Variants in CASKIN1 observed in about 807,000 individuals in gnomAD.
CASKIN1 encodes caskin-1.
CASKIN1 carries 42 observed loss-of-function variants against 117.5 expected under a neutral mutation model. That is an observed-to-expected ratio of 0.36 (90% CI 0.28 to 0.46). The LOEUF is 0.46. Ranked by LOEUF, CASKIN1 falls within the 20% of genes least tolerant of loss-of-function variation. The probability of loss-of-function intolerance (pLI) is 1.00; values close to 1 mark genes in which losing one functional copy is unlikely to be tolerated. For missense variants in CASKIN1, 2,083 were observed against 2,077.3 expected, an observed-to-expected ratio of 1.00 and a Z score of -0.05; for synonymous variants, 1,148 against 961.7, an observed-to-expected ratio of 1.19 and a Z score of -3.59.
In CASKIN1 at chr16:2,179,471, G is replaced by A. The variant is rs2093158788; in HGVS notation, c.3775+122C>T. 8 of 1,394,356 alleles carry A rather than the reference G, an allele frequency of 5.7e-6. No homozygotes were observed. The highest frequency in any genetic ancestry group is 7.4e-6 in the Non-Finnish European group (8 of 1,076,810). 86.4% of individuals were successfully genotyped at this position (1,394,356 alleles called of 1,614,324 possible). A position where few individuals can be genotyped will look rare whatever the true frequency, so the allele number is the denominator to read the frequency against. On this transcript the variant is annotated intron_variant, in intron 18 of 19. Transcript: ENST00000343516. This position sits in a 1 kb window ranked among gnomAD's most constrained non-coding sequence, Gnocchi z 5.8. ...GCCCTGGATGGATGAGAGGGTCTGG[G>A]GACACGTTCCCACCCCACCTGGGCT...
intron 6 of CASKIN1, among the ~76,000 whole-genome samples, chr16:2,187,749 G>A (rs886156758): frequency 6.6e-6 from 1 of 152,192 alleles, no homozygotes; most frequent in Admixed American, 6.5e-5. Context: ...AGCCTCCGGA[G>A]TAGCTGGGAT....
Position 2,179,289 on chromosome 16 carries a change from G to A in CASKIN1, c.3812C>T (p.Ser1271Phe), listed in dbSNP as rs1454674318. 5 of 1,225,078 alleles carry A rather than the reference G, an allele frequency of 4.1e-6. No individual in the cohort carries two copies. Among genetic ancestry groups the A allele is most frequent in the Non-Finnish European group, 4.1e-6 (4 of 984,272 alleles). The allele number at this position is 1,225,078 out of a possible 1,614,324, so 75.9% of individuals were successfully genotyped here. The stretch of plus-strand genomic sequence containing the variant: ...TGTGGGCGGCGGCGGCGGCTTGGGA[G>A]ACACGGGCGGTGGCGTGCCGTGGGC... ...KRAHGTPPPVSPKPPPPPTAP... is the reference protein window; with the variant it reads ...KRAHGTPPPVFPKPPPPPTAP... Residue 1271 changes from serine to phenylalanine, a missense_variant, in exon 19 of 20, where the codon TCT (serine) becomes TTT (phenylalanine). Transcript: ENST00000343516. This position sits in a 1 kb window ranked among gnomAD's most constrained non-coding sequence, Gnocchi z 5.8.
At chr16:2,195,399 C>T (rs951014223) in intron 1 of CASKIN1, among the ~76,000 whole-genome samples, 2 of 152,208 alleles carry the variant, frequency 1.3e-5, no homozygotes, top group African/African-American at 2.4e-5. Context: ...CCAGACCCCA[C>T]GTGCCGACCT....
At position 2,180,512 on chromosome 16, in the gene CASKIN1, G is replaced by A. The variant is rs1326630968; in HGVS notation, c.2856C>T (p.Arg952=). The A allele has an allele frequency of 6.4e-7, 1 of 1,551,430 alleles. No individual in the cohort carries two copies. Among genetic ancestry groups the A allele is most frequent in the Non-Finnish European group, 8.7e-7 (1 of 1,154,718 alleles). The change falls in exon 18 of 20, where the codon CGC becomes CGT. Residue 952 remains arginine (R), a synonymous_variant. Coordinates refer to ENST00000343516, the MANE Select transcript of CASKIN1 (RefSeq NM_020764.4). ...TGGCACTAGCCAGGGCCGAGCTGGA[G>A]CGCTTGGGTGGGGGCGGCGGGGGCC... ...KKGPPPPPPK[R]SSSALASANL...
At position 2,186,972 on chromosome 16, in the gene CASKIN1, G is replaced by A; in HGVS notation, c.930+6C>T. ...CTGCTGAGATGGCCCCTGGGGCCAT[G>A]CTTACTGTGATGATGTCCCCTGCCT... is the stretch of plus-strand genomic sequence containing the variant. On this transcript the variant is annotated splice_donor_region_variant and intron_variant, in intron 9 of 19. Transcript: ENST00000343516. The A allele has an allele frequency of 6.2e-7, 1 of 1,613,136 alleles. No homozygotes were observed. Among genetic ancestry groups the A allele is most frequent in the Admixed American group, 1.7e-5 (1 of 60,008 alleles).
chr16:2,180,937 G>A lies in CASKIN1; in HGVS notation c.2431C>T (p.Leu811=). The A allele has an allele frequency of 1.4e-6, 2 of 1,462,514 alleles. No homozygotes were observed. Among genetic ancestry groups the A allele is most frequent in the South Asian group, 3.0e-5 (2 of 67,764 alleles). 90.6% of individuals were successfully genotyped at this position (1,462,514 alleles called of 1,614,324 possible). ...TAKVKPTPQL[L]PPTERPMSPR... ...GACATGGGGCGCTCTGTCGGCGGCAGCAGCTGCGGGGTGGGCTTCACCTTG... is the reference window on the plus strand; with the variant it reads ...GACATGGGGCGCTCTGTCGGCGGCAACAGCTGCGGGGTGGGCTTCACCTTG... Residue 811 remains leucine, a synonymous_variant, in exon 18 of 20, where the codon CTG becomes TTG. Transcript: ENST00000343516.
In CASKIN1 at chr16:2,179,615, C is replaced by T. The variant is rs2093159583; in HGVS notation, c.3753G>A (p.Pro1251=). 2 of 1,457,642 alleles carry T rather than the reference C, an allele frequency of 1.4e-6. No homozygotes were observed. The highest frequency in any genetic ancestry group is 1.5e-5 in the South Asian group (1 of 68,876). 90.3% of individuals were successfully genotyped at this position (1,457,642 alleles called of 1,614,324 possible). A position where few individuals can be genotyped will look rare whatever the true frequency, so the allele number is the denominator to read the frequency against. ...TACCTGGGCTGCCAGGGCCTGGCAG[C>T]GGCACCTTCTTGGAGGTGGGTGTGG... ...GSPTPTSKKV[P]LPGPGSPEVK... is the part of the protein sequence containing the mutation. The change falls in exon 18 of 20, where the codon CCG becomes CCA. Residue 1251 remains proline (P), a synonymous_variant. Transcript: ENST00000343516. The surrounding 1 kb of genome is among the most constrained non-coding windows in gnomAD (Gnocchi z 5.8).
rs923050277 is a variant in CASKIN1, at chr16:2,177,401, G to C, written c.*1149C>G. On this transcript the variant is annotated 3_prime_UTR_variant, in exon 20 of 20. Transcript: ENST00000343516. ...CCTCCACCCGCCCCACACCACAATC[G>C]CTGGTTTTCGGCATTTTTTAAATTT... 2 of 232,530 alleles carry C rather than the reference G, an allele frequency of 8.6e-6. No homozygotes were observed. The highest frequency in any genetic ancestry group is 2.2e-5 in the African/African-American group (1 of 45,212). 14.4% of individuals were successfully genotyped at this position (232,530 alleles called of 1,614,324 possible).
chr16:2,188,900 G>A (rs1382016664), intron 6 of CASKIN1, 127 bp downstream of exon 6: 3 of 1,370,608 alleles, frequency 2.2e-6, no homozygotes, highest in East Asian at 2.3e-5. Context: ...CCAGAGGCCT[G>A]ACCAGGGACC....
At chr16:2,193,237 G>A (rs1198580270) in intron 1 of CASKIN1, among the ~76,000 whole-genome samples, 3 of 152,222 alleles carry the variant, frequency 2.0e-5, no homozygotes, top group African/African-American at 4.8e-5. Context: ...GGCTGGTCTC[G>A]AACTCCCGAC....
rs1373955641 is a variant in CASKIN1, at chr16:2,180,654, C to G, written c.2714G>C (p.Gly905Ala). The change falls in exon 18 of 20, where the codon GGC becomes GCC. Residue 905 changes from glycine to alanine, a missense_variant. Transcript: ENST00000343516. ...GCGCCGCTGGACCGTGGCATAGGGG[C>G]CGGCAGCCGCAGGCACCAGCAGCTC... The part of the protein sequence containing the change: ...RDELLVPAAA[G>A]PYATVQRRVG... The G allele has an allele frequency of 2.0e-6, 3 of 1,530,046 alleles. No individual in the cohort carries two copies. In the East Asian group the frequency reaches 7.4e-5, roughly 38 times the overall value. 94.8% of individuals were successfully genotyped at this position (1,530,046 alleles called of 1,614,324 possible). A position where few individuals can be genotyped will look rare whatever the true frequency, so the allele number is the denominator to read the frequency against.
Position 2,182,449 on chromosome 16 carries a change from G to A in CASKIN1, c.1630-520C>T, listed in dbSNP as rs943235840. ...GCCAACACCCACAGCAATCTGCACC[G>A]AGAAACACCCGATCACTCCCCGAGC... On this transcript the variant is annotated intron_variant, in intron 16 of 19. Coordinates refer to ENST00000343516, the MANE Select transcript of CASKIN1 (RefSeq NM_020764.4). This position sits in a 1 kb window ranked among gnomAD's most constrained non-coding sequence, Gnocchi z 4.1. Among the ~76,000 whole-genome samples the A allele has an allele frequency of 6.6e-6, 1 of 151,950 alleles. No individual in the cohort carries two copies. The highest frequency in any genetic ancestry group is 6.6e-5 in the Admixed American group (1 of 15,252).
At chr16:2,193,252 G>C (rs970441363) in intron 1 of CASKIN1, among the ~76,000 whole-genome samples, 1 of 152,200 alleles carries the variant, frequency 6.6e-6, no homozygotes, top group Non-Finnish European at 1.5e-5. Context: ...CCCGACCTCA[G>C]GTGATCCGCC....
At chr16:2,193,704 G>A (rs2093207334) in intron 1 of CASKIN1, among the ~76,000 whole-genome samples, 1 of 152,238 alleles carries the variant, frequency 6.6e-6, no homozygotes, top group South Asian at 2.1e-4. Flanking sequence ...TCTCCCTCAG[G>A]AAGGGGACCA....
chr16:2,183,986 C>T (rs370968891), intron 14 of CASKIN1, 45 bp from the exon 15 acceptor site: 79 of 1,341,842 alleles, frequency 5.9e-5, no homozygotes, highest in African/African-American at 5.4e-4. Context: ...TGCCCGGCCG[C>T]GCCCTGCCAC....
At chr16:2,187,109 G>A (rs1373779999) in intron 8 of CASKIN1, 37 bp from the exon 9 acceptor site, 8 of 1,612,764 alleles carry the variant, frequency 5.0e-6, no homozygotes, top group Non-Finnish European at 6.8e-6. Context: ...AGTCCTGCGG[G>A]CTGATCTGGC....
rs967972961 is a variant in CASKIN1, at chr16:2,178,379, C to G, written c.*171G>C. ...GGTCTGCCTAGAGCCCTTGGAGCCC[C>G]CGGCCAGGCGGTCCCCGGTGGGCGC... On this transcript the variant is annotated 3_prime_UTR_variant, in exon 20 of 20. Coordinates refer to ENST00000343516, the MANE Select transcript of CASKIN1 (RefSeq NM_020764.4). The G allele has an allele frequency of 4.5e-5, 21 of 470,210 alleles. No individual in the cohort carries two copies. Among genetic ancestry groups the G allele is most frequent in the Non-Finnish European group, 6.7e-5 (18 of 268,534 alleles). 29.1% of individuals were successfully genotyped at this position (470,210 alleles called of 1,614,324 possible).
At chr16:2,185,476 G>A in intron 10 of CASKIN1, 68 bp from the exon 11 acceptor site, 1 of 1,343,618 alleles carries the variant, frequency 7.4e-7, no homozygotes, top group East Asian at 2.4e-5. Flanking sequence ...GGGGAGGCAG[G>A]ACAGAGACTG....
chr16:2,192,727 G>A (rs1376738640), intron 1 of CASKIN1, among the ~76,000 whole-genome samples: 2 of 152,034 alleles, frequency 1.3e-5, no homozygotes, highest in South Asian at 2.1e-4. Flanking sequence ...TGCAGCCCTC[G>A]TCACCACCAG....
Sources: allele counts gnomAD v4.1 joint callset (sites outside exome capture counted in the v4.1 genomes callset), GRCh38; gene constraint gnomAD v4.1.1; non-coding constraint Gnocchi (gnomAD v3.1); transcripts MANE v1.5; gene names NCBI Gene and HGNC (gene_info 2026-07-23, HGNC 2026-07-21).